ARSL: variants seen among roughly 807,000 people sequenced by gnomAD.
The protein encoded by ARSL is arylsulfatase E (chondrodysplasia punctata 1).
In ARSL, 4 loss-of-function variants were observed where a neutral mutation model predicts 31.1. That is an observed-to-expected ratio of 0.13 (90% CI 0.06 to 0.29). The LOEUF (loss-of-function observed/expected upper bound fraction) is 0.29. Ranked by LOEUF, ARSL falls within the 10% of genes least tolerant of loss-of-function variation. The pLI is 1.00. For missense variants in ARSL, 312 were observed against 497.8 expected (o/e 0.63, Z 3.55); for synonymous variants, 198 against 209.9 (o/e 0.94, Z 0.49).
At chrX:2,938,982 G>C (rs1482514152) in intron 8 of ARSL, among the ~76,000 whole-genome samples, 1 of 111,287 alleles carries the variant, frequency 9.0e-6, no homozygotes, top group Non-Finnish European at 1.9e-5. Context: ...AGGCAGGAAG[G>C]AGCCTCCCCT....
At chrX:2,953,007 G>C in intron 5 of ARSL, 136 bp downstream of exon 5, 1 of 787,438 alleles carries the variant, frequency 1.3e-6, no homozygotes, top group Non-Finnish European at 1.8e-6. Context: ...AAAGGAACAT[G>C]GTTCCTAGAT....
chrX:2,944,648 C>G (rs1450261263), intron 7 of ARSL, among the ~76,000 whole-genome samples: 11 of 109,216 alleles, frequency 1.0e-4, no homozygotes. Flanking sequence ...CAGCCCACCA[C>G]CACCTAAACC....
At chrX:2,966,603 C>T (rs1241564934), upstream of ARSL, among the ~76,000 whole-genome samples, 9 of 101,427 alleles carry the variant, frequency 8.9e-5, no homozygotes, top group Middle Eastern at 4.7e-3. Flanking sequence ...AAGTGAGAGC[C>T]TATCTCTAGA....
intron 3 of ARSL, among the ~76,000 whole-genome samples, chrX:2,957,818 G>A (rs1208743901): frequency 1.8e-5 from 2 of 109,703 alleles, no homozygotes; most frequent in Non-Finnish European, 3.8e-5. Flanking sequence ...CCAGAAGTTC[G>A]AGACGAGGCT....
chrX:2,950,565 G>C (rs185943804), intron 5 of ARSL, among the ~76,000 whole-genome samples: 18 of 111,259 alleles, frequency 1.6e-4, no homozygotes, highest in Admixed American at 1.3e-3. Flanking sequence ...GGTAGTGAAT[G>C]AGTCTCACAA....
chrX:2,967,830 C>A (rs766789423), upstream of ARSL, among the ~76,000 whole-genome samples: 4 of 111,130 alleles, frequency 3.6e-5, no homozygotes, highest in South Asian at 1.5e-3. Context: ...TTTTCACCTC[C>A]GGTGTCTCTT....
At chrX:2,961,876 T>TA (rs35172906) in intron 1 of ARSL, among the ~76,000 whole-genome samples, 1 of 106,236 alleles carries the variant, frequency 9.4e-6, no homozygotes, top group African/African-American at 3.5e-5. Context: ...TTTTTTTTTT[T>TA]AATCTTTCTT....
At chrX:2,964,677 G>A (rs189205065), upstream of ARSL, 18 of 121,433 alleles carry the variant, frequency 1.5e-4, no homozygotes, top group Non-Finnish European at 2.7e-4. Flanking sequence ...GCTATAATAT[G>A]ATCATATCCA....
intron 8 of ARSL, among the ~76,000 whole-genome samples, chrX:2,942,070 G>A (rs748113473): frequency 8.9e-6 from 1 of 111,798 alleles, no homozygotes; most frequent in Admixed American, 9.5e-5. Flanking sequence ...TACAAAGGCC[G>A]GGATGTCACA....
At chrX:2,953,772 G>A (rs752848261) in intron 4 of ARSL, among the ~76,000 whole-genome samples, 30 of 110,984 alleles carry the variant, frequency 2.7e-4, no homozygotes, top group Non-Finnish European at 4.7e-4. Flanking sequence ...AGGCTTGAGT[G>A]CAGTGGCATG....
rs1230178723 is a variant in ARSL, at chrX:2,963,714, T to TC, written c.-21+509_-21+510insG. 2.8e-5 allele frequency among the ~76,000 whole-genome samples: 3 copies of TC among 105,944 alleles called. No individual in the cohort carries two copies. In the South Asian group the frequency reaches 1.3e-3, roughly 47 times the overall value. The allele number at this position is 105,944 out of a possible 115,157, so 92.0% of individuals were successfully genotyped here. A position where few individuals can be genotyped will look rare whatever the true frequency, so the allele number is the denominator to read the frequency against. On this transcript the variant is annotated intron_variant, in intron 1 of 10. Transcript: ENST00000381134. The stretch of plus-strand genomic sequence containing the variant: ...TGCCACTATGCCTGGCTATTGATTT[T>TC]TTTTTTTTTAAGTAGAGGTGGGGTT...
At chrX:2,964,564 T>A (rs1429532079), upstream of ARSL, 2 of 541,466 alleles carry the variant, frequency 3.7e-6, no homozygotes, top group Non-Finnish European at 4.5e-6. Context: ...TGATCTGCCC[T>A]CCTTGGCCTC....
chrX:2,964,441 C>A (rs971646973), upstream of ARSL: 1 of 750,550 alleles, frequency 1.3e-6, no homozygotes, highest in African/African-American at 2.3e-5. Flanking sequence ...AAAGCCACGC[C>A]CACGTCTACC....
rs2089513258 is a variant in ARSL, at chrX:2,955,532, G to A, written c.191C>T (p.Pro64Leu). 2 of 1,210,263 alleles carry A rather than the reference G, an allele frequency of 1.7e-6. No homozygotes were observed. The highest frequency in any genetic ancestry group is 2.2e-6 in the Non-Finnish European group (2 of 894,876). The part of the protein sequence containing the change: ...GCYGNNTMRT[P>L]NIDRLAEDGV... Reference sequence around the variant, plus strand: ...GTCCTCTGCAAGGCGGTCAATATTCGGAGTCCTATGGAGGGACAAATTAAC... The same window carrying A: ...GTCCTCTGCAAGGCGGTCAATATTCAGAGTCCTATGGAGGGACAAATTAAC... Residue 64 changes from proline to leucine, a missense_variant, in exon 4 of 11, where the codon CCG becomes CTG. By Grantham distance (98) the Pro-to-Leu change is moderately conservative (BLOSUM62 -3). Coordinates refer to ENST00000381134, the MANE Select transcript of ARSL (RefSeq NM_000047.3).
chrX:2,966,981 G>A (rs890716558), upstream of ARSL, among the ~76,000 whole-genome samples: 2 of 110,357 alleles, frequency 1.8e-5, no homozygotes, highest in South Asian at 3.7e-4. Flanking sequence ...AAACATGTAC[G>A]TATATACATG....
chrX:2,955,476 C>A lies in ARSL; in HGVS notation c.247G>T (p.Ala83Ser), dbSNP rs1054544689. 1 of 1,209,673 alleles carries A rather than the reference C, an allele frequency of 8.3e-7. No individual in the cohort carries two copies. The highest frequency in any genetic ancestry group is 1.7e-5 in the African/African-American group (1 of 57,331). Residue 83 changes from alanine (A) to serine (S), a missense_variant, in exon 4 of 11, where the codon GCA becomes TCA. Physicochemically the swap from Ala to Ser is moderately conservative, Grantham distance 99. Transcript: ENST00000381134. ...GVKLTQHISA[A>S]SLCTPSRAAF... is the part of the protein sequence containing the mutation. The stretch of plus-strand genomic sequence containing the variant: ...GCTCTGCTTGGGGTGCACAAAGATG[C>A]GGCAGAGATGTGTTGGGTCAGCTTC...
At chrX:2,966,397 T>C (rs2147428517), upstream of ARSL, among the ~76,000 whole-genome samples, 1 of 110,332 alleles carries the variant, frequency 9.1e-6, no homozygotes, top group South Asian at 3.7e-4. Context: ...TTTTCACCTA[T>C]ATTTTAATTT....
chrX:2,951,170 C>A (rs1424666265), intron 5 of ARSL, among the ~76,000 whole-genome samples: 1 of 111,711 alleles, frequency 9.0e-6, no homozygotes, highest in African/African-American at 3.3e-5. Flanking sequence ...TCTATTGCAC[C>A]TTGTTTTGCA....
At chrX:2,956,836 C>T (rs773275661) in intron 3 of ARSL, among the ~76,000 whole-genome samples, 1 of 110,751 alleles carries the variant, frequency 9.0e-6, no homozygotes, top group African/African-American at 3.3e-5. Context: ...CCTTAAACTC[C>T]TGGGCTCAAG....
Sources: allele counts gnomAD v4.1 joint callset (sites outside exome capture counted in the v4.1 genomes callset), GRCh38; gene constraint gnomAD v4.1.1; transcripts MANE v1.5; gene names NCBI Gene and HGNC (gene_info 2026-07-23, HGNC 2026-07-21).